Variants in LTBP1 observed in about 807,000 individuals in gnomAD.
LTBP1 encodes latent transforming growth factor beta binding protein 1, also known as latent-transforming growth factor beta-binding protein 1.
LTBP1 carries 129 observed loss-of-function variants against 207.6 expected under a neutral mutation model. The observed-to-expected ratio is 0.62, with a 90% CI of 0.54 to 0.72. LTBP1 has a LOEUF of 0.72. Among genes scored for constraint, LTBP1 ranks in the 30% least tolerant of loss-of-function variants. The probability of loss-of-function intolerance (pLI) is 0.00; values close to 1 mark genes in which losing one functional copy is unlikely to be tolerated. For synonymous variants in LTBP1, 963 were observed against 833.7 expected (o/e 1.16, Z -2.67); for missense variants, 2,281 against 2,217.2 (o/e 1.03, Z -0.58).
intron 22 of LTBP1, among the ~76,000 whole-genome samples, 178 bp from the exon 23 acceptor site, chr2:33,309,256 A>G (rs2094145376): frequency 2.0e-5 from 3 of 150,444 alleles, no homozygotes; most frequent in African/African-American, 4.9e-5. Flanking sequence ...GCACTCCAGC[A>G]TGGGTGATGG....
At chr2:33,252,865 T>G (rs903989330) in intron 11 of LTBP1, 21 bp downstream of exon 11, 3 of 1,570,840 alleles carry the variant, frequency 1.9e-6, no homozygotes, top group Non-Finnish European at 2.6e-6. Flanking sequence ...CCCAGCTGTA[T>G]GCGCACATAG....
chr2:33,173,069 A>G (rs1166850221), intron 5 of LTBP1, among the ~76,000 whole-genome samples: 1 of 152,214 alleles, frequency 6.6e-6, no homozygotes, highest in Non-Finnish European at 1.5e-5. Context: ...TCCAAAATTG[A>G]CACCCTAATA....
intron 5 of LTBP1, among the ~76,000 whole-genome samples, chr2:33,148,011 A>G (rs569459978): frequency 6.6e-6 from 1 of 152,352 alleles, no homozygotes; most frequent in African/African-American, 2.4e-5. Context: ...ATGTAGCCCA[A>G]ATCCCATAAC....
chr2:33,015,497 A>G (rs542092569), intron 2 of LTBP1, among the ~76,000 whole-genome samples: 9 of 152,328 alleles, frequency 5.9e-5, no homozygotes, highest in Admixed American at 1.3e-4. Context: ...AAAGTTCTGC[A>G]TAAGTCACTT....
intron 3 of LTBP1, among the ~76,000 whole-genome samples, chr2:33,049,097 C>T (rs1002590940): frequency 2.0e-5 from 3 of 152,136 alleles, no homozygotes; most frequent in Non-Finnish European, 4.4e-5. Flanking sequence ...ACAGAGAGCA[C>T]TTGTAAAATA....
At chr2:33,143,316 C>T (rs531774559) in intron 5 of LTBP1, among the ~76,000 whole-genome samples, 193 of 152,328 alleles carry the variant, frequency 1.3e-3, no homozygotes, top group African/African-American at 4.6e-3. Context: ...TCCACTCCAT[C>T]TTGGCACCTC....
Position 33,103,444 on chromosome 2 carries a change from A to G in LTBP1, c.864-7138A>G, listed in dbSNP as rs569158773. Among the ~76,000 whole-genome samples the G allele has an allele frequency of 3.3e-5, 5 of 152,232 alleles. No individual in the cohort carries two copies. In the South Asian group the frequency reaches 8.3e-4, roughly 25 times the overall value. ...TGTATGCTGTATGCACCATGTGTGT[A>G]GTCTGTATGCTGTTTGCATTGTCTG... On this transcript the variant is annotated intron_variant, in intron 3 of 33. Transcript: ENST00000404816.
intron 7 of LTBP1, among the ~76,000 whole-genome samples, chr2:33,196,724 A>G (rs60000782): frequency 0.42 from 63,606 of 152,042 alleles, 14,205 homozygotes; most frequent in Non-Finnish European, 0.5. Flanking sequence ...AGCAGGGAGG[A>G]TTGTGAGAAG....
At chr2:33,223,598 G>T (rs1454376) in intron 9 of LTBP1, among the ~76,000 whole-genome samples, 1 of 152,000 alleles carries the variant, frequency 6.6e-6, no homozygotes, top group Admixed American at 6.6e-5. Context: ...TAAGATGCAT[G>T]TTTTACAATA....
chr2:33,060,653 G>GTGTA (rs1257323875), intron 3 of LTBP1, among the ~76,000 whole-genome samples: 2 of 114,998 alleles, frequency 1.7e-5, no homozygotes, highest in Non-Finnish European at 3.8e-5. Context: ...ATTCAGATCT[G>GTGTA]TGTGTGTGTG....
rs752965873 is a variant in LTBP1 at position 33,263,298 on chromosome 2, G to A, written c.2523G>A (p.Val841=). The A allele has an allele frequency of 6.2e-7, 1 of 1,607,440 alleles. No individual in the cohort carries two copies. The highest frequency in any genetic ancestry group is 8.5e-7 in the Non-Finnish European group (1 of 1,174,074). The change falls in exon 15 of 34, where the codon GTG becomes GTA. Residue 841 remains valine, a synonymous_variant. Coordinates refer to ENST00000404816, the MANE Select transcript of LTBP1 (RefSeq NM_206943.4). ...TIHLHPQFPV[V]IEKTSPPVPV... ...ATCCTCTGCTTCCTCATATAGTAGT[G>A]ATTGAAAAAACATCACCTCCTGTGC...
chr2:33,183,844 A>G (rs568317995), intron 5 of LTBP1, among the ~76,000 whole-genome samples: 57 of 152,318 alleles, frequency 3.7e-4, no homozygotes, highest in Non-Finnish European at 4.7e-4. Context: ...AAGACCTCAC[A>G]GAGTAGTTTG....
At chr2:33,158,067 C>T (rs556229367) in intron 5 of LTBP1, among the ~76,000 whole-genome samples, 27 of 139,314 alleles carry the variant, frequency 1.9e-4, no homozygotes, top group Non-Finnish European at 3.3e-4. Flanking sequence ...ACCTGAGAGG[C>T]GGTGATTGCA....
chr2:33,199,324 T>TG (rs2088941166), intron 7 of LTBP1, among the ~76,000 whole-genome samples: 1 of 152,188 alleles, frequency 6.6e-6, no homozygotes, highest in African/African-American at 2.4e-5. Flanking sequence ...TCCAAGTATG[T>TG]GGTCAATTTT....
rs113312715 is a variant in LTBP1, at chr2:33,202,034, C to G, written c.1701+13183C>G. Among the ~76,000 whole-genome samples the G allele has an allele frequency of 2.4e-3, 319 of 132,794 alleles. 1 individual carries two copies. Among genetic ancestry groups the G allele is most frequent in the African/African-American group, 0.011 (307 of 27,636 alleles). The allele number at this position is 132,794 out of a possible 152,430, so 87.1% of individuals were successfully genotyped here. ...AGCTTAGCACTGGAACACACACACA[C>G]ACACACACACACACACACACACACA... On this transcript the variant is annotated intron_variant, in intron 7 of 33. Transcript: ENST00000404816.
chr2:33,009,148 G>C (rs1285364643), intron 2 of LTBP1, among the ~76,000 whole-genome samples: 2 of 152,224 alleles, frequency 1.3e-5, no homozygotes, highest in Admixed American at 1.3e-4. Context: ...GGTGAGAATA[G>C]ACTGCAGGGG....
chr2:33,272,879 C>T (rs2093350793), intron 15 of LTBP1, among the ~76,000 whole-genome samples: 1 of 151,936 alleles, frequency 6.6e-6, no homozygotes, highest in Non-Finnish European at 1.5e-5. Context: ...TTTTGATGGA[C>T]TCCACCTAAC....
chr2:32,995,025 T>TA (rs1209281831), intron 2 of LTBP1, among the ~76,000 whole-genome samples: 3 of 152,022 alleles, frequency 2.0e-5, no homozygotes, highest in African/African-American at 7.2e-5. Context: ...CCCCATCTTT[T>TA]AAAAAATACT....
At chr2:33,309,392 G>T (rs942612847) in intron 22 of LTBP1, 42 bp from the exon 23 acceptor site, 4 of 1,446,018 alleles carry the variant, frequency 2.8e-6, no homozygotes, top group Non-Finnish European at 3.8e-6. Flanking sequence ...TTTCCGATAT[G>T]TGATTTATTT....
Sources: gnomAD v4.1 joint callset for allele counts (sites outside exome capture counted in the v4.1 genomes callset) on GRCh38, gnomAD v4.1.1 for gene constraint, MANE v1.5 for transcripts, NCBI Gene and HGNC (gene_info 2026-07-23, HGNC 2026-07-21) for gene names.